Variants in NXPE2 observed in about 807,000 individuals in gnomAD.
The protein encoded by NXPE2 is NXPE family member 2.
A neutral mutation model predicts 34.4 loss-of-function variants in NXPE2; 34 were observed. That is an observed-to-expected ratio of 0.99 (90% CI 0.75 to 1.31). NXPE2 has a LOEUF of 1.31. Among genes scored for constraint, NXPE2 ranks in the 40% most tolerant of loss-of-function variants. NXPE2 has a pLI of 0.00. For missense variants in NXPE2, 649 were observed against 672.5 expected (o/e 0.97, Z 0.39); for synonymous variants, 235 against 231.3 (o/e 1.02, Z -0.15).
the NXPE2 span, among the ~76,000 whole-genome samples, chr11:114,585,393 A>G: frequency 6.6e-6 from 1 of 152,176 alleles, no homozygotes; most frequent in Non-Finnish European, 1.5e-5. Flanking sequence ...GATTCACTTC[A>G]GCTTTAAGGA....
At chr11:114,711,281 A>C (rs1041981286), downstream of NXPE2, among the ~76,000 whole-genome samples, 6 of 152,112 alleles carry the variant, frequency 3.9e-5, no homozygotes, top group African/African-American at 1.4e-4. Flanking sequence ...TGTTATATAT[A>C]GCATATGACA....
the NXPE2 span, among the ~76,000 whole-genome samples, chr11:114,528,631 C>A: frequency 6.6e-6 from 1 of 152,294 alleles, no homozygotes; most frequent in Non-Finnish European, 1.5e-5. Context: ...ATGTACCTTA[C>A]ATTTCTTTCC....
the NXPE2 span, among the ~76,000 whole-genome samples, chr11:114,767,317 C>T: frequency 6.6e-6 from 1 of 152,028 alleles, no homozygotes; most frequent in Non-Finnish European, 1.5e-5. Context: ...TATCGTTATC[C>T]TGCAAAACTG....
chr11:114,727,774 AACACACAC>A, the NXPE2 span, among the ~76,000 whole-genome samples: 690 of 127,634 alleles, frequency 5.4e-3, 8 homozygotes, highest in African/African-American at 0.018. Context: ...ATGTGTACAC[AACACACAC>A]ACACACACAC....
chr11:114,804,923 G>A, the NXPE2 span, among the ~76,000 whole-genome samples: 2 of 152,154 alleles, frequency 1.3e-5, no homozygotes, highest in African/African-American at 2.4e-5. Flanking sequence ...TTAGATTCAT[G>A]GATGCTGAAG....
chr11:114,756,407 C>T, the NXPE2 span, among the ~76,000 whole-genome samples: 1 of 152,114 alleles, frequency 6.6e-6, no homozygotes, highest in Non-Finnish European at 1.5e-5. Context: ...AAATTATTAG[C>T]TTTTTAAAAA....
the NXPE2 span, among the ~76,000 whole-genome samples, chr11:114,603,525 G>A: frequency 3.4e-5 from 5 of 148,498 alleles, no homozygotes; most frequent in African/African-American, 7.5e-5. Context: ...GTATTGCCTC[G>A]TCTCCCAGGT....
At chr11:114,644,028 G>A in the NXPE2 span, among the ~76,000 whole-genome samples, 1 of 151,682 alleles carries the variant, frequency 6.6e-6, no homozygotes, top group Non-Finnish European at 1.5e-5. Flanking sequence ...TGCAGCAATT[G>A]TGAATGGGAG....
chr11:114,541,672 G>A, the NXPE2 span, among the ~76,000 whole-genome samples: 1 of 152,134 alleles, frequency 6.6e-6, no homozygotes, highest in Non-Finnish European at 1.5e-5. Context: ...TGAAGTGGGG[G>A]GGATGGTGCT....
the NXPE2 span, among the ~76,000 whole-genome samples, chr11:114,722,479 C>T: frequency 3.3e-5 from 5 of 151,952 alleles, no homozygotes; most frequent in African/African-American, 1.2e-4. Context: ...TGAAAATGAA[C>T]TAATACACTA....
At chr11:114,671,565 G>C in the NXPE2 span, among the ~76,000 whole-genome samples, 2 of 151,864 alleles carry the variant, frequency 1.3e-5, no homozygotes, top group African/African-American at 2.4e-5. Flanking sequence ...AACATACCAG[G>C]TAACCACAAT....
chr11:114,731,465 A>G, the NXPE2 span, among the ~76,000 whole-genome samples: 1 of 152,222 alleles, frequency 6.6e-6, no homozygotes, highest in Non-Finnish European at 1.5e-5. Flanking sequence ...CCAAACTGGA[A>G]ATAATGTAGA....
intron 2 of NXPE2, among the ~76,000 whole-genome samples, chr11:114,682,173 C>G (rs1038823550): frequency 6.6e-6 from 1 of 152,106 alleles, no homozygotes; most frequent in South Asian, 2.1e-4. Context: ...ACATTTTCAT[C>G]CTGATCATAA....
the NXPE2 span, among the ~76,000 whole-genome samples, chr11:114,808,361 A>T: frequency 1.3e-5 from 2 of 151,488 alleles, no homozygotes; most frequent in East Asian, 3.9e-4. Flanking sequence ...AACTGAAGGA[A>T]ATAGAGACAC....
chr11:114,601,862 CA>C, the NXPE2 span, among the ~76,000 whole-genome samples: 1 of 10,054 alleles, frequency 9.9e-5, no homozygotes, highest in African/African-American at 5.4e-4. Context: ...ATATAATATA[CA>C]ATTATATATA....
the NXPE2 span, among the ~76,000 whole-genome samples, chr11:114,778,574 A>G: frequency 5.9e-5 from 9 of 152,120 alleles, no homozygotes; most frequent in African/African-American, 1.9e-4. Context: ...GACAGATTTG[A>G]GAGATAATTT....
chr11:114,745,296 C>G, the NXPE2 span, among the ~76,000 whole-genome samples: 1 of 152,124 alleles, frequency 6.6e-6, no homozygotes, highest in Non-Finnish European at 1.5e-5. Flanking sequence ...CAGACTCCTT[C>G]CACTCAGGGT....
chr11:114,755,520 C>A, the NXPE2 span, among the ~76,000 whole-genome samples: 7 of 152,220 alleles, frequency 4.6e-5, no homozygotes, highest in Admixed American at 4.6e-4. Flanking sequence ...GAGACCAACA[C>A]ATTAGTATCT....
the NXPE2 span, among the ~76,000 whole-genome samples, chr11:114,616,527 G>A: frequency 4.0e-5 from 6 of 151,546 alleles, no homozygotes; most frequent in East Asian, 1.2e-3. Context: ...TTGTCTGGTG[G>A]GTAACCATTG....
Sources: gnomAD v4.1 joint callset for allele counts (sites outside exome capture counted in the v4.1 genomes callset) on GRCh38, gnomAD v4.1.1 for gene constraint, MANE v1.5 for transcripts, NCBI Gene and HGNC (gene_info 2026-07-23, HGNC 2026-07-21) for gene names.